PPP3CA: variants seen among roughly 807,000 people sequenced by gnomAD.
PPP3CA encodes the protein protein phosphatase 3 catalytic subunit alpha, also known as CAM-PRP catalytic subunit.
A neutral mutation model predicts 66.5 loss-of-function variants in PPP3CA; 14 were observed. The observed-to-expected ratio is 0.21, with a 90% CI of 0.14 to 0.33. PPP3CA has a LOEUF of 0.33. Ranked by LOEUF, PPP3CA falls within the 10% of genes least tolerant of loss-of-function variation. The probability of loss-of-function intolerance (pLI) is 1.00; values close to 1 mark genes in which losing one functional copy is unlikely to be tolerated. For missense variants in PPP3CA, 317 were observed against 639.5 expected (o/e 0.50, Z 5.44); for synonymous variants, 232 against 226.2 (o/e 1.03, Z -0.23).
At chr4:101,139,697 T>TTTG (rs1553927962) in intron 2 of PPP3CA, among the ~76,000 whole-genome samples, 1 of 44,434 alleles carries the variant, frequency 2.3e-5, no homozygotes, top group East Asian at 6.0e-4. Context: ...TTTTTTTGTG[T>TTTG]TTTTTTTTTT....
chr4:101,274,931 A>C (rs1727442686), intron 1 of PPP3CA, among the ~76,000 whole-genome samples: 1 of 152,236 alleles, frequency 6.6e-6, no homozygotes. Context: ...TGTGTGAGTA[A>C]TAGCATTGAA....
At chr4:101,036,507 G>T in intron 11 of PPP3CA, among the ~76,000 whole-genome samples, 1 of 152,142 alleles carries the variant, frequency 6.6e-6, no homozygotes, top group East Asian at 1.9e-4. Flanking sequence ...CGCCTCCGGG[G>T]TTTATGGCAG....
At chr4:101,295,680 A>G (rs1376841466) in intron 1 of PPP3CA, among the ~76,000 whole-genome samples, 1 of 152,228 alleles carries the variant, frequency 6.6e-6, no homozygotes, top group Non-Finnish European at 1.5e-5. Flanking sequence ...TACAGCTTTT[A>G]GCTGTCAACA....
chr4:101,288,737 AT>A (rs1430140158), intron 1 of PPP3CA, among the ~76,000 whole-genome samples: 1 of 152,186 alleles, frequency 6.6e-6, no homozygotes, highest in Non-Finnish European at 1.5e-5. Flanking sequence ...TTAAAAAAAA[AT>A]AAAGGAAGCA....
At chr4:101,076,966 T>C (rs184082101) in intron 8 of PPP3CA, among the ~76,000 whole-genome samples, 1 of 152,352 alleles carries the variant, frequency 6.6e-6, no homozygotes, top group Admixed American at 6.5e-5. Flanking sequence ...AGTTGCTTAA[T>C]GGCAGAGCTG....
At chr4:101,154,861 A>G (rs1482180065) in intron 2 of PPP3CA, among the ~76,000 whole-genome samples, 1 of 131,214 alleles carries the variant, frequency 7.6e-6, no homozygotes, top group Non-Finnish European at 1.5e-5. Flanking sequence ...CTGTCACCCA[A>G]GCTGGAGTGC....
chr4:101,212,665 T>C (rs1032433611), intron 1 of PPP3CA, among the ~76,000 whole-genome samples: 3 of 152,078 alleles, frequency 2.0e-5, no homozygotes, highest in African/African-American at 7.2e-5. Context: ...CTAAAGGTGG[T>C]TGTCTAAACA....
intron 2 of PPP3CA, chr4:101,171,206 T>C (rs772809847): frequency 4.4e-6 from 2 of 456,076 alleles, no homozygotes; most frequent in Non-Finnish European, 8.8e-6. Flanking sequence ...GGTGTGTGAA[T>C]CGGGGTCATC....
At chr4:101,289,456 T>C (rs759660006) in intron 1 of PPP3CA, among the ~76,000 whole-genome samples, 9 of 152,314 alleles carry the variant, frequency 5.9e-5, no homozygotes, top group South Asian at 4.1e-4. Context: ...TCATTTGAGG[T>C]AGACTATTAT....
At chr4:101,300,377 A>G in intron 1 of PPP3CA, among the ~76,000 whole-genome samples, 1 of 152,240 alleles carries the variant, frequency 6.6e-6, no homozygotes, top group Non-Finnish European at 1.5e-5. Flanking sequence ...GGGTATTCCT[A>G]ACACATAAAG....
intron 8 of PPP3CA, 104 bp downstream of exon 8, chr4:101,080,425 TAAA>T: frequency 2.0e-6 from 1 of 496,908 alleles, no homozygotes; most frequent in South Asian, 9.5e-5. Flanking sequence ...GAAAAAATTT[TAAA>T]AAAAAAGACT....
At chr4:101,143,220 T>G (rs1437365069) in intron 2 of PPP3CA, among the ~76,000 whole-genome samples, 1 of 152,328 alleles carries the variant, frequency 6.6e-6, no homozygotes, top group East Asian at 1.9e-4. Context: ...AAGGTCTTTA[T>G]TCCTACCTAA....
chr4:101,106,471 AAAAG>A lies in PPP3CA; in HGVS notation c.384+2479_384+2482del, dbSNP rs1730749070. On this transcript the variant is annotated intron_variant, in intron 3 of 13. Coordinates refer to ENST00000394854, the MANE Select transcript of PPP3CA (RefSeq NM_000944.5). ...AAAGAAAGAGAAAAGAAAAGAAAAGAAAAGAAAAGAAAAGAAAAGAAAAGAAAAG... is the reference window on the plus strand; with the variant it reads ...AAAGAAAGAGAAAAGAAAAGAAAAGAAAAAGAAAAGAAAAGAAAAGAAAAG... Among the ~76,000 whole-genome samples the A allele has an allele frequency of 1.1e-4, 7 of 64,470 alleles. 1 individual carries two copies. Among genetic ancestry groups the A allele is most frequent in the African/African-American group, 8.2e-4 (7 of 8,546 alleles). The allele number at this position is 64,470 out of a possible 152,430, so 42.3% of individuals were successfully genotyped here. A position where few individuals can be genotyped will look rare whatever the true frequency, so the allele number is the denominator to read the frequency against.
intron 1 of PPP3CA, among the ~76,000 whole-genome samples, chr4:101,214,983 T>C (rs2110208363): frequency 6.6e-6 from 1 of 152,174 alleles, no homozygotes; most frequent in East Asian, 1.9e-4. Context: ...CTATTCACTC[T>C]AATAGCAATA....
At chr4:101,048,591 GACA>G (rs1727874668) in intron 10 of PPP3CA, among the ~76,000 whole-genome samples, 1 of 129,176 alleles carries the variant, frequency 7.7e-6, no homozygotes. Flanking sequence ...ACACATTCAA[GACA>G]ACAAGTGAAA....
chr4:101,262,057 T>C (rs894847274), intron 1 of PPP3CA, among the ~76,000 whole-genome samples: 1 of 152,106 alleles, frequency 6.6e-6, no homozygotes, highest in African/African-American at 2.4e-5. Context: ...ATTCAATGAA[T>C]TAAAAACTGA....
At chr4:101,310,728 A>G (rs1728695408) in intron 1 of PPP3CA, among the ~76,000 whole-genome samples, 1 of 152,222 alleles carries the variant, frequency 6.6e-6, no homozygotes, top group Non-Finnish European at 1.5e-5. Flanking sequence ...GAAAAGTGAA[A>G]CTACTGAAAT....
At chr4:101,195,703 C>G in intron 2 of PPP3CA, among the ~76,000 whole-genome samples, 1 of 152,244 alleles carries the variant, frequency 6.6e-6, no homozygotes, top group East Asian at 1.9e-4. Context: ...TTGCATTCCA[C>G]TTTTTAGAGC....
intron 2 of PPP3CA, among the ~76,000 whole-genome samples, chr4:101,165,123 T>A (rs1723651091): frequency 6.6e-6 from 1 of 152,130 alleles, no homozygotes; most frequent in South Asian, 2.1e-4. Context: ...CGGCAGCAGC[T>A]GCTGCAGCAA....
Sources: allele counts gnomAD v4.1 joint callset (sites outside exome capture counted in the v4.1 genomes callset), GRCh38; gene constraint gnomAD v4.1.1; transcripts MANE v1.5; gene names NCBI Gene and HGNC (gene_info 2026-07-23, HGNC 2026-07-21).